The following ERBB4 variants were observed in gnomAD, a reference collection of about 807,000 sequenced individuals.
The protein encoded by ERBB4 is erb-b2 receptor tyrosine kinase 4.
ERBB4 carries 42 observed loss-of-function variants against 158.0 expected under a neutral mutation model. The observed-to-expected ratio is 0.27, with a 90% CI of 0.21 to 0.34. ERBB4 has a LOEUF of 0.34. ERBB4 is among the 10% of genes least tolerant of loss of function. The pLI is 1.00. For synonymous variants in ERBB4, 583 were observed against 558.7 expected (o/e 1.04, Z -0.61); for missense variants, 1,333 against 1,624.1 (o/e 0.82, Z 3.08).
chr2:212,368,444 C>T (rs543679912), intron 1 of ERBB4, among the ~76,000 whole-genome samples: 4 of 151,942 alleles, frequency 2.6e-5, no homozygotes, highest in South Asian at 2.1e-4. Flanking sequence ...GAGACAGGGG[C>T]GAGGGATGAA....
intron 19 of ERBB4, among the ~76,000 whole-genome samples, chr2:211,581,164 A>G (rs2068092842): frequency 6.6e-6 from 1 of 151,766 alleles, no homozygotes; most frequent in Admixed American, 6.6e-5. Context: ...AATTTGGTGC[A>G]GTGTATACTG....
At chr2:211,886,932 A>G (rs2078817244) in intron 3 of ERBB4, among the ~76,000 whole-genome samples, 1 of 152,188 alleles carries the variant, frequency 6.6e-6, no homozygotes, top group Non-Finnish European at 1.5e-5. Flanking sequence ...TCTCTGAAAG[A>G]ATTTCTTCAC....
intron 1 of ERBB4, among the ~76,000 whole-genome samples, chr2:212,330,004 C>A (rs2088056224): frequency 6.6e-6 from 1 of 151,988 alleles, no homozygotes; most frequent in African/African-American, 2.4e-5. Flanking sequence ...TGAAGTTCCA[C>A]CCCAGTAACC....
rs113128634 is a variant in ERBB4, at chr2:212,107,531, T to G, written c.234+17221A>C. Among the ~76,000 whole-genome samples the G allele has an allele frequency of 8.7e-3, 1,318 of 152,262 alleles. 15 individuals are homozygous for G. Among genetic ancestry groups the G allele is most frequent in the African/African-American group, 0.03 (1,237 of 41,552 alleles). ...GGACTTGCCTTGTCTCAGATGAGAC[T>G]TTGGACTGTGGACTTTTGATTTGAC... On this transcript the variant is annotated intron_variant, in intron 2 of 27. Transcript: ENST00000342788.
intron 2 of ERBB4, among the ~76,000 whole-genome samples, chr2:211,951,661 C>A (rs2080879103): frequency 6.6e-6 from 1 of 152,054 alleles, no homozygotes; most frequent in Non-Finnish European, 1.5e-5. Flanking sequence ...AGATTAAAAG[C>A]AATAGCTACT....
intron 2 of ERBB4, among the ~76,000 whole-genome samples, chr2:212,057,856 T>C (rs1365666796): frequency 1.3e-5 from 2 of 152,002 alleles, no homozygotes; most frequent in Non-Finnish European, 2.9e-5. Flanking sequence ...CACCCTAACA[T>C]CACAATTAAA....
intron 2 of ERBB4, among the ~76,000 whole-genome samples, chr2:212,015,437 G>T (rs543297898): frequency 5.8e-4 from 88 of 151,930 alleles, no homozygotes; most frequent in Non-Finnish European, 1.1e-3. Flanking sequence ...AACAAGAAAA[G>T]TCTTAGACAA....
chr2:211,702,827 A>G (rs1454888062), intron 11 of ERBB4, among the ~76,000 whole-genome samples: 1 of 152,126 alleles, frequency 6.6e-6, no homozygotes, highest in Non-Finnish European at 1.5e-5. Flanking sequence ...CACATCATGC[A>G]CTCCATACTT....
At chr2:212,109,142 G>T (rs2079322938) in intron 2 of ERBB4, among the ~76,000 whole-genome samples, 1 of 152,150 alleles carries the variant, frequency 6.6e-6, no homozygotes, top group South Asian at 2.1e-4. Flanking sequence ...ATCTTTGGGT[G>T]CCTACAACAT....
chr2:211,538,832 T>G (rs1457310970), intron 20 of ERBB4, among the ~76,000 whole-genome samples: 2 of 151,826 alleles, frequency 1.3e-5, no homozygotes, highest in African/African-American at 4.8e-5. Flanking sequence ...TATGAATATG[T>G]GTATGTTGTG....
At chr2:212,422,303 G>A (rs74754693) in intron 1 of ERBB4, among the ~76,000 whole-genome samples, 13,670 of 152,074 alleles carry the variant, frequency 0.09, 1,084 homozygotes, top group African/African-American at 0.2. Context: ...TCAGTAGCTC[G>A]AGACCAGTCT....
At chr2:212,400,534 A>C (rs2091173030) in intron 1 of ERBB4, among the ~76,000 whole-genome samples, 2 of 152,180 alleles carry the variant, frequency 1.3e-5, no homozygotes, top group African/African-American at 4.8e-5. Context: ...CTCTTGATAA[A>C]ATCTTATATA....
At chr2:212,416,346 G>C (rs185659220) in intron 1 of ERBB4, among the ~76,000 whole-genome samples, 3 of 152,194 alleles carry the variant, frequency 2.0e-5, no homozygotes, top group African/African-American at 7.2e-5. Context: ...ATAGTGTACT[G>C]TTTGCAACAT....
At chr2:212,215,998 T>C (rs190545189) in intron 1 of ERBB4, among the ~76,000 whole-genome samples, 1 of 151,496 alleles carries the variant, frequency 6.6e-6, no homozygotes, top group East Asian at 1.9e-4. Context: ...AGTTTCTCTT[T>C]ATTGATTTTT....
chr2:212,536,051 T>G lies in ERBB4; in HGVS notation c.82+2398A>C, dbSNP rs1381700441. Among the ~76,000 whole-genome samples, 7 of 152,322 alleles carry G rather than the reference T, an allele frequency of 4.6e-5. No individual in the cohort carries two copies. In the East Asian group the frequency reaches 1.4e-3, roughly 29 times the overall value. On this transcript the variant is annotated intron_variant, in intron 1 of 27. Coordinates refer to ENST00000342788, the MANE Select transcript of ERBB4 (RefSeq NM_005235.3). ...TCATCTAAAAGCAATTCACTCAACA[T>G]CTTGTCGCCCTCTGGCAGCTTAGTT...
intron 4 of ERBB4, among the ~76,000 whole-genome samples, chr2:211,757,156 T>C (rs2075303858): frequency 6.6e-6 from 1 of 152,212 alleles, no homozygotes; most frequent in Non-Finnish European, 1.5e-5. Context: ...CTCATTGTCA[T>C]CTGTTTATTT....
intron 1 of ERBB4, among the ~76,000 whole-genome samples, chr2:212,517,721 G>T (rs967705432): frequency 1.3e-5 from 2 of 152,006 alleles, no homozygotes; most frequent in African/African-American, 4.8e-5. Context: ...CAGTGCTATT[G>T]ATTACAGGTC....
Position 211,750,474 on chromosome 2 carries a change from T to C in ERBB4, c.622+165A>G, listed in dbSNP as rs182813680. On this transcript the variant is annotated intron_variant, in intron 5 of 27. Coordinates refer to ENST00000342788, the MANE Select transcript of ERBB4 (RefSeq NM_005235.3). ...AGAATCAATTATATATTAATTTTCA[T>C]TTGAAAGCAATGAAAATCGGGTAGT... Among the ~76,000 whole-genome samples the C allele has an allele frequency of 3.5e-4, 54 of 152,288 alleles. No homozygotes were observed. Among genetic ancestry groups the C allele is most frequent in the Middle Eastern group, 3.4e-3 (1 of 294 alleles).
At chr2:211,930,183 G>C (rs114186577) in intron 3 of ERBB4, among the ~76,000 whole-genome samples, 5,249 of 152,164 alleles carry the variant, frequency 0.034, 122 homozygotes, top group Middle Eastern at 0.088. Flanking sequence ...TTAAGGACTT[G>C]AAGCAAGGAT....
Sources: allele counts gnomAD v4.1 joint callset (sites outside exome capture counted in the v4.1 genomes callset), GRCh38; gene constraint gnomAD v4.1.1; transcripts MANE v1.5; gene names NCBI Gene and HGNC (gene_info 2026-07-23, HGNC 2026-07-21).